The following UXS1 variants were observed in gnomAD, a reference collection of about 807,000 sequenced individuals.
The protein encoded by UXS1 is UDP-glucuronic acid decarboxylase 1.
Under a neutral mutation model 62.6 loss-of-function variants are expected in UXS1, and 33 were observed. That is an observed-to-expected ratio of 0.53 (90% CI 0.40 to 0.70). The LOEUF (loss-of-function observed/expected upper bound fraction) is 0.70. UXS1 is among the 30% of genes least tolerant of loss of function. The pLI, the probability that UXS1 is intolerant of heterozygous loss-of-function variation, is 0.00. For synonymous variants in UXS1, 213 were observed against 206.8 expected (o/e 1.03, Z -0.26); for missense variants, 434 against 556.3 (o/e 0.78, Z 2.21).
At chr2:106,153,717 T>A (rs547210508) in intron 5 of UXS1, among the ~76,000 whole-genome samples, 19 of 152,206 alleles carry the variant, frequency 1.2e-4, no homozygotes, top group African/African-American at 4.3e-4. Context: ...ATAAAAACTG[T>A]CTGTGTGAAG....
rs749532602 is a variant in UXS1, at chr2:106,129,658, G to C, written c.577+16C>G. Reference sequence around the variant, plus strand: ...TTCCCAGCAACAGCCAAAAAAACAAGAAAATGACAACTTACCCAACATGTT... The same window carrying C: ...TTCCCAGCAACAGCCAAAAAAACAACAAAATGACAACTTACCCAACATGTT... On this transcript the variant is annotated intron_variant, in intron 7 of 14. Coordinates refer to ENST00000283148, the MANE Select transcript of UXS1 (RefSeq NM_001253875.2). The C allele has an allele frequency of 5.7e-6, 9 of 1,589,470 alleles. No individual in the cohort carries two copies. Among genetic ancestry groups the C allele is most frequent in the African/African-American group, 1.3e-5 (1 of 74,648 alleles).
chr2:106,147,697 T>C (rs1462845486), intron 5 of UXS1, among the ~76,000 whole-genome samples: 1 of 152,230 alleles, frequency 6.6e-6, no homozygotes, highest in African/African-American at 2.4e-5. Context: ...TATATTGATT[T>C]ATACCTCCTT....
At chr2:106,172,893 C>A (rs1158438200) in intron 1 of UXS1, among the ~76,000 whole-genome samples, 1 of 152,158 alleles carries the variant, frequency 6.6e-6, no homozygotes, top group African/African-American at 2.4e-5. Flanking sequence ...TTTGCACTTA[C>A]ACTTCTCCCA....
intron 11 of UXS1, chr2:106,102,261 C>T (rs945485359): frequency 6.6e-6 from 1 of 152,114 alleles, no homozygotes; most frequent in Non-Finnish European, 1.5e-5. Flanking sequence ...TGCTACATTA[C>T]AATAGTGCAC....
At chr2:106,184,306 A>C (rs1684425941) in intron 1 of UXS1, among the ~76,000 whole-genome samples, 1 of 152,252 alleles carries the variant, frequency 6.6e-6, no homozygotes, top group African/African-American at 2.4e-5. Context: ...GACAAAAAGC[A>C]AGACAAGAAA....
At chr2:106,158,756 A>G (rs757007381) in intron 4 of UXS1, among the ~76,000 whole-genome samples, 4 of 152,196 alleles carry the variant, frequency 2.6e-5, no homozygotes, top group Admixed American at 2.0e-4. Context: ...TGGCTTTTCT[A>G]TATGTTGCTT....
intron 6 of UXS1, among the ~76,000 whole-genome samples, chr2:106,139,715 C>CTG (rs1680946645): frequency 1.3e-5 from 2 of 152,184 alleles, no homozygotes; most frequent in African/African-American, 4.8e-5. Context: ...GTGACATAGT[C>CTG]TGTGTCAAGC....
intron 1 of UXS1, among the ~76,000 whole-genome samples, chr2:106,174,427 G>A (rs1445232072): frequency 6.6e-6 from 1 of 152,184 alleles, no homozygotes; most frequent in African/African-American, 2.4e-5. Context: ...CGGTCCTGAG[G>A]GTGAGGACAG....
intron 14 of UXS1, among the ~76,000 whole-genome samples, chr2:106,094,883 C>CA (rs1274887396): frequency 2.0e-5 from 3 of 152,166 alleles, no homozygotes. Context: ...TCACAGGTGT[C>CA]AAAATAGATG....
At chr2:106,163,613 C>A in intron 4 of UXS1, 54 bp downstream of exon 4, 3 of 1,278,110 alleles carry the variant, frequency 2.3e-6, no homozygotes, top group South Asian at 2.9e-5. Context: ...ATTAATTACT[C>A]AATTGAGACA....
intron 1 of UXS1, among the ~76,000 whole-genome samples, chr2:106,174,506 A>G (rs553767385): frequency 3.3e-5 from 5 of 152,346 alleles, no homozygotes; most frequent in African/African-American, 1.2e-4. Context: ...AGATAAGTAC[A>G]TGCTTAGCTC....
At chr2:106,174,062 A>G (rs1683722945) in intron 1 of UXS1, among the ~76,000 whole-genome samples, 2 of 135,274 alleles carry the variant, frequency 1.5e-5, no homozygotes, top group Admixed American at 1.5e-4. Flanking sequence ...ACGGACGGAG[A>G]AGGAGATTCT....
intron 9 of UXS1, among the ~76,000 whole-genome samples, chr2:106,115,598 CTT>C (rs1196581226): frequency 1.3e-5 from 2 of 152,176 alleles, no homozygotes; most frequent in African/African-American, 4.8e-5. Context: ...CCAATGGAAA[CTT>C]AGGATGGATG....
In UXS1 at chr2:106,123,107, A is replaced by T; in HGVS notation, c.638-16T>A. 6.2e-7 allele frequency: 1 copy of T among 1,613,356 alleles called. No homozygotes were observed. The highest frequency in any genetic ancestry group is 8.5e-7 in the Non-Finnish European group (1 of 1,179,524). On this transcript the variant is annotated splice_polypyrimidine_tract_variant and intron_variant, in intron 8 of 14. Transcript: ENST00000283148. ...ACTTCAGGATCTACGATGGGAGAAAAGTGAGACTGTTTTCATCTTTCCTTT... is the reference window on the plus strand; with the variant it reads ...ACTTCAGGATCTACGATGGGAGAAATGTGAGACTGTTTTCATCTTTCCTTT...
Position 106,158,085 on chromosome 2 carries a change from T to TA in UXS1, c.263dup (p.Leu88PhefsTer24), listed in dbSNP as rs913133386. 1 of 1,567,752 alleles carries TA rather than the reference T, an allele frequency of 6.4e-7. No homozygotes were observed. The highest frequency in any genetic ancestry group is 1.4e-5 in the African/African-American group (1 of 73,864). ...AAATTCTTTTCCGATCCTTTTCTGA[T>TA]AAAAACTTTACTGGTGGGTATTTCT... On this transcript the variant is annotated frameshift_variant, in exon 5 of 15. Transcript: ENST00000283148. LOFTEE classifies it high-confidence loss of function.
At chr2:106,109,167 C>T (rs1678367274) in intron 10 of UXS1, among the ~76,000 whole-genome samples, 1 of 152,026 alleles carries the variant, frequency 6.6e-6, no homozygotes, top group Non-Finnish European at 1.5e-5. Context: ...TGGAGTTGAT[C>T]CCAGTCTTTC....
chr2:106,146,399 A>C (rs1478911816), intron 5 of UXS1, among the ~76,000 whole-genome samples: 1 of 152,252 alleles, frequency 6.6e-6, no homozygotes, highest in Non-Finnish European at 1.5e-5. Context: ...CTATGGTTTT[A>C]AAACATGTAA....
At chr2:106,120,565 G>A (rs925041882) in intron 9 of UXS1, among the ~76,000 whole-genome samples, 1 of 152,194 alleles carries the variant, frequency 6.6e-6, no homozygotes, top group Non-Finnish European at 1.5e-5. Flanking sequence ...AGTAGAGTGT[G>A]AGCCCCAATG....
intron 2 of UXS1, among the ~76,000 whole-genome samples, chr2:106,165,755 C>T (rs1207882041): frequency 2.6e-5 from 4 of 152,132 alleles, no homozygotes; most frequent in Non-Finnish European, 2.9e-5. Context: ...TTGCTCAATC[C>T]ACCCAGAAAT....
Sources: allele counts gnomAD v4.1 joint callset (sites outside exome capture counted in the v4.1 genomes callset), GRCh38; gene constraint gnomAD v4.1.1; transcripts MANE v1.5; gene names NCBI Gene and HGNC (gene_info 2026-07-23, HGNC 2026-07-21).